Variants in PC observed in about 807,000 individuals in gnomAD.
PC encodes the protein pyruvate carboxylase.
Under a neutral mutation model 107.8 loss-of-function variants are expected in PC, and 46 were observed. The observed-to-expected ratio is 0.43, with a 90% CI of 0.34 to 0.55. The LOEUF (loss-of-function observed/expected upper bound fraction) is 0.55. Among genes scored for constraint, PC ranks in the 20% least tolerant of loss-of-function variants. The probability of loss-of-function intolerance (pLI) is 0.04; values close to 1 mark genes in which losing one functional copy is unlikely to be tolerated. For synonymous variants in PC, 662 were observed against 684.7 expected (o/e 0.97, Z 0.52); for missense variants, 1,241 against 1,643.1 (o/e 0.76, Z 4.23).
At chr11:66,888,018 T>C (rs1470242951) in intron 3 of PC, among the ~76,000 whole-genome samples, 2 of 152,250 alleles carry the variant, frequency 1.3e-5, no homozygotes, top group African/African-American at 4.8e-5. Context: ...CTCCTCAGCA[T>C]AGGTCTCTGT....
At chr11:66,951,493 C>T (rs1268058594) in intron 3 of PC, among the ~76,000 whole-genome samples, 1 of 152,178 alleles carries the variant, frequency 6.6e-6, no homozygotes, top group Non-Finnish European at 1.5e-5. Flanking sequence ...CGCTGGCTCA[C>T]ACCTGTAATC....
rs1433654659 is a variant in PC at position 66,870,489 on chromosome 11, G to A, written c.752-36C>T. ...AGGTAAACTGGGCTTAGCTTTTACT[G>A]GAATCTACACGCCTCCTAAATGCCC... On this transcript the variant is annotated intron_variant, in intron 8 of 22. Transcript: ENST00000393960. This position sits in a 1 kb window ranked among gnomAD's most constrained non-coding sequence, Gnocchi z 6.1. 6.2e-7 allele frequency: 1 copy of A among 1,607,980 alleles called. No individual in the cohort carries two copies.
At chr11:66,893,767 T>C (rs1006519895) in intron 3 of PC, among the ~76,000 whole-genome samples, 26 of 151,850 alleles carry the variant, frequency 1.7e-4, no homozygotes, top group Non-Finnish European at 1.6e-4. Flanking sequence ...GCCTATTCTA[T>C]AGCAGAACTT....
chr11:66,888,143 A>G (rs1947441335), intron 3 of PC, among the ~76,000 whole-genome samples: 1 of 152,200 alleles, frequency 6.6e-6, no homozygotes, highest in South Asian at 2.1e-4. Flanking sequence ...CTAAGGTAAC[A>G]ACTAGGATTA....
intron 3 of PC, among the ~76,000 whole-genome samples, chr11:66,947,881 T>C (rs1469730018): frequency 6.7e-6 from 1 of 149,012 alleles, no homozygotes; most frequent in Non-Finnish European, 1.5e-5. Flanking sequence ...AAGAATCGCT[T>C]GAACCCGGGA....
At position 66,870,681 on chromosome 11, in the gene PC, G is replaced by T; in HGVS notation, c.751+94C>A. The T allele has an allele frequency of 7.6e-7, 1 of 1,314,312 alleles. No individual in the cohort carries two copies. The highest frequency in any genetic ancestry group is 1.1e-6 in the Non-Finnish European group (1 of 919,512). The allele number at this position is 1,314,312 out of a possible 1,614,324, so 81.4% of individuals were successfully genotyped here. ...GGAAAAGCGCCCGACAGGCCCCAGG[G>T]CTGTCCCCAAGGCCAGCCACTGTGA... On this transcript the variant is annotated intron_variant, in intron 8 of 22. Coordinates refer to ENST00000393960, the MANE Select transcript of PC (RefSeq NM_001040716.2). The surrounding 1 kb of genome is among the most constrained non-coding windows in gnomAD (Gnocchi z 6.1).
intron 3 of PC, among the ~76,000 whole-genome samples, chr11:66,922,811 A>G (rs1716515223): frequency 6.6e-6 from 1 of 152,312 alleles, no homozygotes; most frequent in East Asian, 1.9e-4. Context: ...TTCACTTCTT[A>G]GGCTTTAACC....
At chr11:66,904,537 C>T (rs1948094395) in intron 3 of PC, among the ~76,000 whole-genome samples, 1 of 152,220 alleles carries the variant, frequency 6.6e-6, no homozygotes, top group South Asian at 2.1e-4. Context: ...ACTCAGGAGG[C>T]TGAGGTGGGA....
intron 3 of PC, among the ~76,000 whole-genome samples, chr11:66,888,398 T>A (rs1319213004): frequency 6.6e-6 from 1 of 152,170 alleles, no homozygotes; most frequent in East Asian, 1.9e-4. Flanking sequence ...TGTGAGCCTG[T>A]CTGCCCAAGA....
intron 3 of PC, among the ~76,000 whole-genome samples, chr11:66,949,673 A>T (rs373550290): frequency 5.9e-5 from 9 of 152,258 alleles, no homozygotes; most frequent in South Asian, 2.1e-4. Context: ...CATCGCAAAA[A>T]AAATAAATAA....
Position 66,858,028 on chromosome 11 carries a change from TC to T in PC, c.1369-4646del. 1 of 1,611,906 alleles carries T rather than the reference TC, an allele frequency of 6.2e-7. No homozygotes were observed. The highest frequency in any genetic ancestry group is 8.5e-7 in the Non-Finnish European group (1 of 1,179,866). ...ATTGGGGCCCGCGCCTTTGGGGACCTCGAGAGCCTGCGTTCCCTCCACCTTG... is the reference window on the plus strand; with the variant it reads ...ATTGGGGCCCGCGCCTTTGGGGACCTGAGAGCCTGCGTTCCCTCCACCTTG... On this transcript the variant is annotated intron_variant, in intron 12 of 22. Coordinates refer to ENST00000393960, the MANE Select transcript of PC (RefSeq NM_001040716.2). This position sits in a 1 kb window ranked among gnomAD's most constrained non-coding sequence, Gnocchi z 5.9.
At chr11:66,874,762 A>G (rs182419925) in intron 3 of PC, among the ~76,000 whole-genome samples, 2 of 152,354 alleles carry the variant, frequency 1.3e-5, no homozygotes, top group Admixed American at 6.5e-5. Context: ...AAAGAAAAAC[A>G]AGACACAAAT....
At position 66,850,668 on chromosome 11, in the gene PC, TCCTA is replaced by T. The variant is rs755082537; in HGVS notation, c.2473+2_2473+5del. On this transcript the variant is annotated splice_donor_variant and splice_donor_5th_base_variant and intron_variant, in intron 18 of 22. Coordinates refer to ENST00000393960, the MANE Select transcript of PC (RefSeq NM_001040716.2). LOFTEE classifies it high-confidence loss of function. ...GGGTGTGGCCACGGGCTGCTGTTCT[TCCTA>T]CCTGTGTCCAGGGGAGTCCCTCTGG... 8 of 1,607,968 alleles carry T rather than the reference TCCTA, an allele frequency of 5.0e-6. No individual in the cohort carries two copies. The highest frequency in any genetic ancestry group is 2.2e-5 in the East Asian group (1 of 44,884).
intron 3 of PC, among the ~76,000 whole-genome samples, chr11:66,909,407 T>C (rs549113240): frequency 6.6e-6 from 1 of 152,198 alleles, no homozygotes; most frequent in Non-Finnish European, 1.5e-5. Context: ...ACAGAGATCA[T>C]GCAGGACATG....
In PC at chr11:66,870,692, G is replaced by A; in HGVS notation, c.751+83C>T. The A allele has an allele frequency of 7.2e-7, 1 of 1,388,126 alleles. No homozygotes were observed. Among genetic ancestry groups the A allele is most frequent in the Non-Finnish European group, 1.0e-6 (1 of 985,796 alleles). 86.0% of individuals were successfully genotyped at this position (1,388,126 alleles called of 1,614,324 possible). On this transcript the variant is annotated intron_variant, in intron 8 of 22. Transcript: ENST00000393960. This position sits in a 1 kb window ranked among gnomAD's most constrained non-coding sequence, Gnocchi z 6.1. ...CGACAGGCCCCAGGGCTGTCCCCAA[G>A]GCCAGCCACTGTGACGGCACCAGGA...
intron 18 of PC, 73 bp from the exon 19 acceptor site, chr11:66,850,537 C>G: frequency 6.2e-7 from 1 of 1,609,592 alleles, no homozygotes; most frequent in Non-Finnish European, 8.5e-7. Flanking sequence ...TAGCTCAGGT[C>G]CCATGTCTGA....
chr11:66,913,065 G>A (rs139116298), intron 3 of PC, among the ~76,000 whole-genome samples: 1 of 152,244 alleles, frequency 6.6e-6, no homozygotes, highest in African/African-American at 2.4e-5. Context: ...TGAAACCCGG[G>A]TGGGAATGAA....
At position 66,856,427 on chromosome 11, in the gene PC, G is replaced by A. The variant is rs1016030435; in HGVS notation, c.1369-3044C>T. 4.6e-5 allele frequency among the ~76,000 whole-genome samples: 7 copies of A among 152,014 alleles called. No homozygotes were observed. In the East Asian group the frequency reaches 1.2e-3, roughly 25 times the overall value. ...GCTGGGGACAGGGCGGGGCGGCGGG[G>A]GCGGGGCGCCTGCCCGGAGGCCAAG... On this transcript the variant is annotated intron_variant, in intron 12 of 22. Coordinates refer to ENST00000393960, the MANE Select transcript of PC (RefSeq NM_001040716.2).
chr11:66,923,774 C>T (rs990826912), intron 3 of PC, among the ~76,000 whole-genome samples: 3 of 151,504 alleles, frequency 2.0e-5, no homozygotes, highest in African/African-American at 7.3e-5. Flanking sequence ...CCCACCTTGG[C>T]CTCCCAAAGT....
Sources: gnomAD v4.1 joint callset for allele counts (sites outside exome capture counted in the v4.1 genomes callset) on GRCh38, gnomAD v4.1.1 for gene constraint, Gnocchi (gnomAD v3.1) non-coding constraint, MANE v1.5 for transcripts, NCBI Gene and HGNC (gene_info 2026-07-23, HGNC 2026-07-21) for gene names.